DLG1: variants seen among roughly 807,000 people sequenced by gnomAD.
The protein encoded by DLG1 is discs large MAGUK scaffold protein 1.
DLG1 carries 42 observed loss-of-function variants against 123.4 expected under a neutral mutation model. The observed-to-expected ratio is 0.34, with a 90% CI of 0.27 to 0.44. The LOEUF (loss-of-function observed/expected upper bound fraction) is 0.44, where lower values mean the gene tolerates loss of function less well. Ranked by LOEUF, DLG1 falls within the 20% of genes least tolerant of loss-of-function variation. The pLI is 1.00. For synonymous variants in DLG1, 317 were observed against 356.2 expected (o/e 0.89, Z 1.24); for missense variants, 942 against 1,082.6 (o/e 0.87, Z 1.82).
chr3:197,281,492 T>G (rs1041982224), intron 4 of DLG1, among the ~76,000 whole-genome samples: 14 of 152,254 alleles, frequency 9.2e-5, no homozygotes, highest in African/African-American at 3.4e-4. Flanking sequence ...AGTGACTGAC[T>G]GAAGACATTT....
At chr3:197,243,120 T>G (rs541727160) in intron 4 of DLG1, among the ~76,000 whole-genome samples, 1 of 152,298 alleles carries the variant, frequency 6.6e-6, no homozygotes, top group Non-Finnish European at 1.5e-5. Context: ...CCCAATGCCG[T>G]TCCTGTTTCT....
chr3:197,083,613 G>T (rs558446281), intron 16 of DLG1, among the ~76,000 whole-genome samples: 24 of 152,252 alleles, frequency 1.6e-4, no homozygotes, highest in Admixed American at 1.4e-3. Context: ...AAGAGGGCCT[G>T]TCCTTAACTA....
At chr3:197,205,719 T>C (rs1282020038) in intron 4 of DLG1, among the ~76,000 whole-genome samples, 2 of 152,216 alleles carry the variant, frequency 1.3e-5, no homozygotes, top group African/African-American at 4.8e-5. Flanking sequence ...ATGGCAGCTA[T>C]AGTAAGTTAC....
chr3:197,275,844 A>G (rs191625328), intron 4 of DLG1, among the ~76,000 whole-genome samples: 85 of 152,342 alleles, frequency 5.6e-4, no homozygotes, highest in Middle Eastern at 3.4e-3. Flanking sequence ...ACAACAATTT[A>G]TTGTATATTT....
intron 14 of DLG1, among the ~76,000 whole-genome samples, chr3:197,100,590 C>G (rs1195630592): frequency 6.6e-6 from 1 of 151,956 alleles, no homozygotes; most frequent in Non-Finnish European, 1.5e-5. Flanking sequence ...GAAAGTTGGC[C>G]TAATACTCTT....
intron 4 of DLG1, among the ~76,000 whole-genome samples, chr3:197,196,622 T>A (rs1254525160): frequency 6.6e-6 from 1 of 152,164 alleles, no homozygotes; most frequent in African/African-American, 2.4e-5. Flanking sequence ...TTTGGAATTT[T>A]AAAAAACTGA....
At chr3:197,224,086 A>T (rs1466138867) in intron 4 of DLG1, among the ~76,000 whole-genome samples, 1 of 152,200 alleles carries the variant, frequency 6.6e-6, no homozygotes, top group Non-Finnish European at 1.5e-5. Flanking sequence ...TTGTAAACAT[A>T]TAACTTAGAT....
intron 5 of DLG1, chr3:197,183,602 G>A: frequency 6.4e-7 from 1 of 1,550,500 alleles, no homozygotes; most frequent in Non-Finnish European, 8.7e-7. Context: ...CTACCGAGAT[G>A]CAGTCAATAA....
At chr3:197,230,668 G>A (rs1344316492) in intron 4 of DLG1, among the ~76,000 whole-genome samples, 1 of 152,080 alleles carries the variant, frequency 6.6e-6, no homozygotes, top group Non-Finnish European at 1.5e-5. Flanking sequence ...CAATCCCACT[G>A]ATTTTCAAAA....
chr3:197,224,917 G>A (rs1031059295), intron 4 of DLG1, among the ~76,000 whole-genome samples: 1 of 151,922 alleles, frequency 6.6e-6, no homozygotes, highest in Non-Finnish European at 1.5e-5. Context: ...CTACGTTAGA[G>A]GGCTCTCTTC....
chr3:197,253,953 C>A (rs1755675117), intron 4 of DLG1, among the ~76,000 whole-genome samples: 1 of 151,646 alleles, frequency 6.6e-6, no homozygotes, highest in East Asian at 1.9e-4. Context: ...GAAATTTCTG[C>A]ACACGAAGGA....
chr3:197,197,931 G>A (rs904139595), intron 4 of DLG1, among the ~76,000 whole-genome samples: 7 of 152,196 alleles, frequency 4.6e-5, no homozygotes, highest in South Asian at 2.1e-4. Context: ...ACAACTGCAT[G>A]CAAAACAATG....
chr3:197,164,253 C>T (rs555521510), intron 5 of DLG1, among the ~76,000 whole-genome samples: 2 of 151,558 alleles, frequency 1.3e-5, no homozygotes, highest in South Asian at 2.1e-4. Context: ...AAAAATTAGC[C>T]GGGTGTGGTG....
chr3:197,113,909 T>C (rs1377122529), intron 13 of DLG1, among the ~76,000 whole-genome samples: 2 of 152,146 alleles, frequency 1.3e-5, no homozygotes, highest in African/African-American at 4.8e-5. Flanking sequence ...TTTGAGCCCG[T>C]AAGTTTGAGG....
rs773487577 is a variant in DLG1 at position 197,131,584 on chromosome 3, C to CTTTTTTT, written c.1021-920_1021-914dup. ...CAAATATAGTTTTATTTCTTCCTTT[C>CTTTTTTT]TTTTTTTTTTTTTTTTTTTTTTTTT... On this transcript the variant is annotated intron_variant, in intron 10 of 24. Transcript: ENST00000667157. Among the ~76,000 whole-genome samples, 27 of 65,770 alleles carry CTTTTTTT rather than the reference C, an allele frequency of 4.1e-4. 1 individual carries two copies. Among genetic ancestry groups the CTTTTTTT allele is most frequent in the Non-Finnish European group, 5.3e-4 (18 of 33,950 alleles). 43.1% of individuals were successfully genotyped at this position (65,770 alleles called of 152,430 possible).
At chr3:197,105,159 G>A (rs1458475381) in intron 13 of DLG1, among the ~76,000 whole-genome samples, 154 bp from the exon 14 acceptor site, 1 of 152,138 alleles carries the variant, frequency 6.6e-6, no homozygotes, top group Admixed American at 6.6e-5. Context: ...AAAATATATT[G>A]TGTAGTAAAA....
At chr3:197,253,212 C>A (rs933736630) in intron 4 of DLG1, among the ~76,000 whole-genome samples, 1 of 152,104 alleles carries the variant, frequency 6.6e-6, no homozygotes, top group African/African-American at 2.4e-5. Flanking sequence ...ATAAAGAATT[C>A]TCAAAACTCA....
intron 5 of DLG1, among the ~76,000 whole-genome samples, chr3:197,168,895 A>C (rs1334407225): frequency 4.6e-5 from 7 of 152,196 alleles, no homozygotes; most frequent in African/African-American, 7.2e-5. Flanking sequence ...AGAGGCTATG[A>C]TATTAACACC....
At chr3:197,118,925 G>A (rs1423101631) in intron 12 of DLG1, among the ~76,000 whole-genome samples, 1 of 152,090 alleles carries the variant, frequency 6.6e-6, no homozygotes, top group Non-Finnish European at 1.5e-5. Flanking sequence ...GATAGCTTGA[G>A]TCTAGGAGTT....
Sources: gnomAD v4.1 joint callset for allele counts (sites outside exome capture counted in the v4.1 genomes callset) on GRCh38, gnomAD v4.1.1 for gene constraint, MANE v1.5 for transcripts, NCBI Gene and HGNC (gene_info 2026-07-23, HGNC 2026-07-21) for gene names.